The following LRRC4C variants were observed in gnomAD, a reference collection of about 807,000 sequenced individuals.
LRRC4C encodes leucine rich repeat containing 4C.
A neutral mutation model predicts 33.6 loss-of-function variants in LRRC4C; 5 were observed. The observed-to-expected ratio is 0.15, with a 90% CI of 0.08 to 0.31. LRRC4C has a LOEUF of 0.31. LRRC4C is among the 10% of genes least tolerant of loss of function. LRRC4C has a pLI of 1.00. For missense variants in LRRC4C, 560 were observed against 796.7 expected (o/e 0.70, Z 3.58); for synonymous variants, 329 against 302.0 (o/e 1.09, Z -0.93).
In LRRC4C at chr11:40,453,949, A is replaced by T. The variant is rs560360541; in HGVS notation, c.-269-134228T>A. On this transcript the variant is annotated intron_variant, in intron 3 of 6. Transcript: ENST00000528697. ...AAATGAGTAAATTTTATGATATGTG[A>T]ATTATATCTCACTAAATAAGTTAAA... Among the ~76,000 whole-genome samples the T allele has an allele frequency of 8.5e-5, 13 of 152,296 alleles. No homozygotes were observed. The South Asian group carries it at 2.7e-3, about 32-fold the overall frequency.
intron 1 of LRRC4C, among the ~76,000 whole-genome samples, chr11:40,949,815 G>A (rs978834771): frequency 4.6e-4 from 70 of 151,884 alleles, no homozygotes; most frequent in African/African-American, 1.6e-3. Flanking sequence ...CAACTAACGA[G>A]CAAAATAACC....
At chr11:41,101,782 G>T (rs1941201536) in intron 1 of LRRC4C, among the ~76,000 whole-genome samples, 1 of 152,074 alleles carries the variant, frequency 6.6e-6, no homozygotes, top group Non-Finnish European at 1.5e-5. Context: ...AAAAGAAAAT[G>T]TGGTACATAT....
rs117636728 is a variant in LRRC4C, at chr11:40,333,847, T to A, written c.-269-14126A>T. ...CTTCAATTGATTTCCAGTGGTCAGA[T>A]CACCGCTAAGCGATATGTTTTTTGT... On this transcript the variant is annotated intron_variant, in intron 3 of 6. Transcript: ENST00000528697. 1.0e-3 allele frequency among the ~76,000 whole-genome samples: 155 copies of A among 151,956 alleles called. 3 individuals carry two copies. The East Asian group carries it at 0.028, about 28-fold the overall frequency.
chr11:40,286,805 A>G (rs568445553), intron 4 of LRRC4C, among the ~76,000 whole-genome samples: 1 of 152,162 alleles, frequency 6.6e-6, no homozygotes, highest in Admixed American at 6.5e-5. Flanking sequence ...GGCCCCAGCT[A>G]ACAGGTGATG....
Position 41,320,039 on chromosome 11 carries a change from G to C in LRRC4C, c.-496+139392C>G, listed in dbSNP as rs552915881. Among the ~76,000 whole-genome samples, 36 of 152,172 alleles carry C rather than the reference G, an allele frequency of 2.4e-4. No homozygotes were observed. The East Asian group carries it at 6.8e-3, about 29-fold the overall frequency. ...AAATAGAGGGGGGCACAATGAGACA[G>C]ATATAAAAAAGTATAGAATTTTGAC... On this transcript the variant is annotated intron_variant, in intron 1 of 6. Coordinates refer to ENST00000528697, the MANE Select transcript of LRRC4C (RefSeq NM_001258419.2).
intron 2 of LRRC4C, among the ~76,000 whole-genome samples, chr11:40,676,700 T>G (rs1263497912): frequency 1.3e-5 from 2 of 152,202 alleles, no homozygotes; most frequent in Non-Finnish European, 2.9e-5. Flanking sequence ...TTTGATAATC[T>G]TGACCAATTT....
At chr11:40,213,128 C>T (rs1170001107) in intron 5 of LRRC4C, among the ~76,000 whole-genome samples, 2 of 152,112 alleles carry the variant, frequency 1.3e-5, no homozygotes, top group African/African-American at 4.8e-5. Context: ...ACCCATTTCG[C>T]AGAATGCAGC....
At chr11:40,647,747 C>A (rs945157920) in intron 3 of LRRC4C, among the ~76,000 whole-genome samples, 7 of 152,254 alleles carry the variant, frequency 4.6e-5, no homozygotes, top group African/African-American at 1.4e-4. Context: ...AGAAAAGGAG[C>A]TGGGGCATCA....
intron 2 of LRRC4C, among the ~76,000 whole-genome samples, chr11:40,758,473 G>A (rs1949048212): frequency 6.6e-6 from 1 of 152,014 alleles, no homozygotes; most frequent in Admixed American, 6.6e-5. Context: ...ATTTAAGACA[G>A]GCAAATTAAG....
intron 4 of LRRC4C, among the ~76,000 whole-genome samples, chr11:40,281,566 A>T (rs896206450): frequency 2.0e-5 from 3 of 152,166 alleles, no homozygotes; most frequent in African/African-American, 7.2e-5. Flanking sequence ...AGTGTCATGC[A>T]CCTTTTTCAG....
chr11:41,042,942 A>G (rs1857526742), intron 1 of LRRC4C, among the ~76,000 whole-genome samples: 1 of 150,802 alleles, frequency 6.6e-6, no homozygotes, highest in South Asian at 2.1e-4. Context: ...CAATTACTAG[A>G]TGAAAGGAGG....
intron 4 of LRRC4C, among the ~76,000 whole-genome samples, chr11:40,303,453 C>T (rs1944879408): frequency 6.6e-6 from 1 of 152,118 alleles, no homozygotes; most frequent in South Asian, 2.1e-4. Flanking sequence ...ACTGGAGTAG[C>T]TCAATCATAG....
chr11:40,717,535 G>A (rs1564971388), intron 2 of LRRC4C, among the ~76,000 whole-genome samples: 1 of 152,070 alleles, frequency 6.6e-6, no homozygotes, highest in South Asian at 2.1e-4. Flanking sequence ...TCCTGTTTTA[G>A]AGGGTTGAAA....
chr11:41,108,458 G>A (rs888022605), intron 1 of LRRC4C, among the ~76,000 whole-genome samples: 2 of 152,036 alleles, frequency 1.3e-5, no homozygotes, highest in African/African-American at 4.8e-5. Context: ...TCACATAAAG[G>A]GAGAGAGGCA....
chr11:40,534,904 G>C (rs1311209891), intron 3 of LRRC4C, among the ~76,000 whole-genome samples: 2 of 152,140 alleles, frequency 1.3e-5, no homozygotes, highest in African/African-American at 4.8e-5. Flanking sequence ...TAAAAACAAA[G>C]AGGAGAAAGC....
intron 5 of LRRC4C, among the ~76,000 whole-genome samples, chr11:40,144,607 A>C (rs561982924): frequency 6.6e-6 from 1 of 152,360 alleles, no homozygotes; most frequent in African/African-American, 2.4e-5. Context: ...ATAAATTATA[A>C]TTTGAAAAAT....
intron 1 of LRRC4C, among the ~76,000 whole-genome samples, chr11:41,354,732 A>G (rs1228198858): frequency 6.6e-6 from 1 of 152,090 alleles, no homozygotes; most frequent in East Asian, 1.9e-4. Context: ...AATCTTCAAC[A>G]AAGTCAATAA....
chr11:40,119,632 C>T (rs1238294805), intron 6 of LRRC4C, among the ~76,000 whole-genome samples: 1 of 152,168 alleles, frequency 6.6e-6, no homozygotes, highest in Non-Finnish European at 1.5e-5. Context: ...CAGCCCTTTG[C>T]ATATATGTAG....
intron 1 of LRRC4C, among the ~76,000 whole-genome samples, chr11:41,105,019 T>C (rs1267973458): frequency 6.6e-6 from 1 of 151,948 alleles, no homozygotes; most frequent in East Asian, 1.9e-4. Context: ...GATGGACATA[T>C]CACTGTAAAT....
Sources: allele counts gnomAD v4.1 joint callset (sites outside exome capture counted in the v4.1 genomes callset), GRCh38; gene constraint gnomAD v4.1.1; transcripts MANE v1.5; gene names NCBI Gene and HGNC (gene_info 2026-07-23, HGNC 2026-07-21).